The following ATE1 variants were observed in gnomAD, a reference collection of about 807,000 sequenced individuals.
ATE1 encodes arginyl-tRNA--protein transferase 1.
A neutral mutation model predicts 70.5 loss-of-function variants in ATE1; 36 were observed. The observed-to-expected ratio is 0.51, with a 90% CI of 0.39 to 0.67. The LOEUF is 0.67. ATE1 is among the 30% of genes least tolerant of loss of function. The pLI, the probability that ATE1 is intolerant of heterozygous loss-of-function variation, is 0.00. For synonymous variants in ATE1, 232 were observed against 219.3 expected, an observed-to-expected ratio of 1.06 and a Z score of -0.51; for missense variants, 593 against 629.5, an observed-to-expected ratio of 0.94 and a Z score of 0.62.
At chr10:121,755,817 A>G (rs1193957314) in intron 11 of ATE1, among the ~76,000 whole-genome samples, 1 of 152,218 alleles carries the variant, frequency 6.6e-6, no homozygotes, top group Non-Finnish European at 1.5e-5. Flanking sequence ...CCCTCCCAAA[A>G]CACATGGGAA....
At chr10:121,914,884 C>T (rs1267352968) in intron 3 of ATE1, among the ~76,000 whole-genome samples, 5 of 152,196 alleles carry the variant, frequency 3.3e-5, no homozygotes, top group Admixed American at 2.6e-4. Context: ...AATACTTTCT[C>T]TCCAGAATGT....
rs556434438 is a variant in ATE1, at chr10:121,866,851, A to C, written c.975+3155T>G. Among the ~76,000 whole-genome samples, 1,161 of 151,406 alleles carry C rather than the reference A, an allele frequency of 7.7e-3. 15 individuals are homozygous for C. Among genetic ancestry groups the C allele is most frequent in the African/African-American group, 0.027 (1,121 of 41,254 alleles). ...GACAGAGTAAGACTCTGTCTCAAAA[A>C]AAAAAAAAAAAAAAATTTGTATATT... On this transcript the variant is annotated intron_variant, in intron 8 of 11. Coordinates refer to ENST00000224652, the MANE Select transcript of ATE1 (RefSeq NM_001001976.3).
chr10:121,885,770 T>C (rs1950375879), intron 7 of ATE1, among the ~76,000 whole-genome samples: 1 of 151,254 alleles, frequency 6.6e-6, no homozygotes, highest in Non-Finnish European at 1.5e-5. Context: ...CTTGGAGTCA[T>C]GCGCCTGTAG....
At chr10:121,777,681 C>T (rs939702721) in intron 11 of ATE1, among the ~76,000 whole-genome samples, 3 of 152,150 alleles carry the variant, frequency 2.0e-5, no homozygotes, top group Admixed American at 6.5e-5. Flanking sequence ...TTGGATAGTG[C>T]ACTCTTGAAG....
Position 121,927,856 on chromosome 10 carries a change from T to C in ATE1, c.94A>G (p.Ser32Gly), listed in dbSNP as rs1258405946. The change falls in exon 1 of 12, where the codon AGC (serine) becomes GGC (glycine). Residue 32 changes from serine to glycine, a missense_variant. Coordinates refer to ENST00000224652, the MANE Select transcript of ATE1 (RefSeq NM_001001976.3). ...RCGYCKNESG[S>G]RSNGMWAHSM... ...CCGGCTCGCTCACCATTGGAGCGGC[T>C]GCCCGACTCGTTCTTGCAGTAGCCG... is the stretch of plus-strand genomic sequence containing the variant. 1.9e-6 allele frequency: 3 copies of C among 1,577,034 alleles called. No individual in the cohort carries two copies. In the African/African-American group the frequency reaches 4.2e-5, roughly 22 times the overall value.
At chr10:121,809,602 A>T (rs1368327161) in intron 10 of ATE1, among the ~76,000 whole-genome samples, 1 of 152,198 alleles carries the variant, frequency 6.6e-6, no homozygotes, top group Non-Finnish European at 1.5e-5. Context: ...CTAAGACGCT[A>T]GCAGTTTTCC....
chr10:121,848,533 G>A (rs950219778), intron 8 of ATE1, among the ~76,000 whole-genome samples: 2 of 150,132 alleles, frequency 1.3e-5, no homozygotes, highest in African/African-American at 4.9e-5. Flanking sequence ...CAGGAAAATC[G>A]CTTGAACCCG....
intron 7 of ATE1, among the ~76,000 whole-genome samples, chr10:121,875,092 C>T (rs1258110777): frequency 6.9e-6 from 1 of 145,624 alleles, no homozygotes; most frequent in African/African-American, 2.5e-5. Context: ...TGAGTCGAGA[C>T]CGCACCACTG....
At chr10:121,761,897 T>G (rs1324377860) in intron 11 of ATE1, among the ~76,000 whole-genome samples, 2 of 152,174 alleles carry the variant, frequency 1.3e-5, no homozygotes, top group African/African-American at 2.4e-5. Context: ...ACAAACAAAC[T>G]CTCTGTGATC....
At chr10:121,847,542 G>C (rs764960931) in intron 8 of ATE1, among the ~76,000 whole-genome samples, 21 of 151,716 alleles carry the variant, frequency 1.4e-4, no homozygotes, top group Non-Finnish European at 2.5e-4. Flanking sequence ...GGCAGATCAC[G>C]AGCTCAGGAG....
chr10:121,747,856 A>G (rs954839011), intron 11 of ATE1, among the ~76,000 whole-genome samples: 1 of 152,216 alleles, frequency 6.6e-6, no homozygotes, highest in African/African-American at 2.4e-5. Flanking sequence ...GTAAATGACA[A>G]ACAAAGGAAG....
intron 10 of ATE1, among the ~76,000 whole-genome samples, chr10:121,834,464 T>C (rs1012621432): frequency 1.5e-4 from 23 of 152,174 alleles, no homozygotes; most frequent in Non-Finnish European, 3.1e-4. Flanking sequence ...TTTGAAGCTA[T>C]AATTCTTATG....
intron 10 of ATE1, among the ~76,000 whole-genome samples, chr10:121,812,067 T>C (rs1374098637): frequency 6.7e-6 from 1 of 149,476 alleles, no homozygotes; most frequent in Admixed American, 6.7e-5. Context: ...GTGATCCTCC[T>C]GCCTTAGCCT....
In ATE1 at chr10:121,898,562, G is replaced by A. The variant is rs544206216; in HGVS notation, c.942+1304C>T. On this transcript the variant is annotated intron_variant, in intron 7 of 11. Coordinates refer to ENST00000224652, the MANE Select transcript of ATE1 (RefSeq NM_001001976.3). ...TTCTGTGGTGCACAGTCTGGCACAC[G>A]ATGGGCACTCAGTAAATGACTGTTG... Among the ~76,000 whole-genome samples, 13 of 152,264 alleles carry A rather than the reference G, an allele frequency of 8.5e-5. 1 individual carries two copies. Among genetic ancestry groups the A allele is most frequent in the African/African-American group, 2.4e-4 (10 of 41,552 alleles).
intron 7 of ATE1, among the ~76,000 whole-genome samples, chr10:121,891,626 GTTACTGAAAAGAA>G (rs1453206059): frequency 6.6e-6 from 1 of 151,988 alleles, no homozygotes; most frequent in Non-Finnish European, 1.5e-5. Context: ...CTGTATTAAG[GTTACTGAAAAGAA>G]TTGCTTAGAA....
intron 1 of ATE1, chr10:121,927,592 G>A (rs532017704): frequency 3.1e-6 from 3 of 971,992 alleles, no homozygotes; most frequent in East Asian, 2.3e-4. Context: ...CCAGACGGGC[G>A]TCCGTCTCCC....
upstream of ATE1, chr10:121,928,226 G>A (rs941029204): frequency 1.8e-5 from 25 of 1,367,930 alleles, no homozygotes; most frequent in Non-Finnish European, 2.3e-5. Flanking sequence ...AAGGGAAACA[G>A]GATGGGGAGA....
At chr10:121,751,539 T>C (rs1481583644) in intron 11 of ATE1, among the ~76,000 whole-genome samples, 1 of 152,268 alleles carries the variant, frequency 6.6e-6, no homozygotes. Flanking sequence ...TTTTGTGATT[T>C]TGATTTGCAT....
chr10:121,817,187 A>G lies in ATE1; in HGVS notation c.1257+19531T>C, dbSNP rs557288431. Among the ~76,000 whole-genome samples the G allele has an allele frequency of 8.5e-5, 13 of 152,362 alleles. 1 individual carries two copies. Among genetic ancestry groups the G allele is most frequent in the African/African-American group, 3.1e-4 (13 of 41,590 alleles). ...CAAATGATTCATTATCCTCATATCT[A>G]TATCCATGCATCCAAAGACTTATTG... On this transcript the variant is annotated intron_variant, in intron 10 of 11. Transcript: ENST00000224652.
Sources: allele counts gnomAD v4.1 joint callset (sites outside exome capture counted in the v4.1 genomes callset), GRCh38; gene constraint gnomAD v4.1.1; transcripts MANE v1.5; gene names NCBI Gene and HGNC (gene_info 2026-07-23, HGNC 2026-07-21).